EPB41L2: variants seen among roughly 807,000 people sequenced by gnomAD.
The protein encoded by EPB41L2 is band 4.1-like protein 2.
In EPB41L2, 43 loss-of-function variants were observed where a neutral mutation model predicts 113.0. That is an observed-to-expected ratio of 0.38 (90% CI 0.30 to 0.49). The LOEUF is 0.49. Ranked by LOEUF, EPB41L2 falls within the 20% of genes least tolerant of loss-of-function variation. The pLI, the probability that EPB41L2 is intolerant of heterozygous loss-of-function variation, is 0.95. For missense variants in EPB41L2, 1,147 were observed against 1,223.4 expected (o/e 0.94, Z 0.93); for synonymous variants, 442 against 436.7 (o/e 1.01, Z -0.15).
At chr6:130,911,634 T>C (rs1351405693) in intron 4 of EPB41L2, among the ~76,000 whole-genome samples, 1 of 152,050 alleles carries the variant, frequency 6.6e-6, no homozygotes, top group Non-Finnish European at 1.5e-5. Flanking sequence ...TGTTACAGCA[T>C]CTTAAAGCAA....
intron 11 of EPB41L2, among the ~76,000 whole-genome samples, chr6:130,887,237 C>T (rs1791326851): frequency 6.6e-6 from 1 of 152,168 alleles, no homozygotes; most frequent in Non-Finnish European, 1.5e-5. Flanking sequence ...TACATTTATT[C>T]AGGTCTTAAA....
intron 19 of EPB41L2, among the ~76,000 whole-genome samples, chr6:130,852,758 C>T (rs1209657941): frequency 2.0e-5 from 3 of 152,194 alleles, no homozygotes; most frequent in African/African-American, 7.2e-5. Flanking sequence ...TAGAAGACTC[C>T]TTAACATTGG....
intron 14 of EPB41L2, among the ~76,000 whole-genome samples, chr6:130,872,728 C>A (rs146069946): frequency 6.6e-6 from 1 of 152,188 alleles, no homozygotes; most frequent in East Asian, 1.9e-4. Context: ...AGCTTTTCCA[C>A]CCTGCTTGAG....
intron 8 of EPB41L2, 59 bp from the exon 9 acceptor site, chr6:130,895,178 AAGCT>A: frequency 6.6e-7 from 1 of 1,523,210 alleles, no homozygotes; most frequent in Admixed American, 2.1e-5. Flanking sequence ...ACAAATCAAG[AAGCT>A]AATTAGCTCC....
At chr6:131,030,273 G>T (rs1476747636) in intron 1 of EPB41L2, among the ~76,000 whole-genome samples, 1 of 152,178 alleles carries the variant, frequency 6.6e-6, no homozygotes, top group Non-Finnish European at 1.5e-5. Context: ...GCCCTCCTTG[G>T]GGCTGGAACA....
rs755138914 is a variant in EPB41L2 at position 130,867,598 on chromosome 6, A to G, written c.2608-17T>C. The stretch of plus-strand genomic sequence containing the variant: ...CACTGGTGGCTGAGGTGGAAAAGGA[A>G]GGGAAAAATAAATTCTAGAGGTAAT... On this transcript the variant is annotated splice_polypyrimidine_tract_variant and intron_variant, in intron 15 of 19. Transcript: ENST00000337057. 1.2e-6 allele frequency: 2 copies of G among 1,613,520 alleles called. No homozygotes were observed. Among genetic ancestry groups the G allele is most frequent in the South Asian group, 2.2e-5 (2 of 91,056 alleles).
At chr6:130,857,581 G>A (rs1582725147) in intron 19 of EPB41L2, among the ~76,000 whole-genome samples, 1 of 104,154 alleles carries the variant, frequency 9.6e-6, no homozygotes. Context: ...TTTTTGAGAT[G>A]GAGTCTCACT....
Position 130,885,078 on chromosome 6 carries a change from T to C in EPB41L2, c.1833+18A>G. ...TAAGTAAATGTTTAAAACCACATACTGTGCTAATTTACCATACCTTTCCTT... is the reference window on the plus strand; with the variant it reads ...TAAGTAAATGTTTAAAACCACATACCGTGCTAATTTACCATACCTTTCCTT... On this transcript the variant is annotated intron_variant, in intron 12 of 19. Transcript: ENST00000337057. 1 of 1,613,730 alleles carries C rather than the reference T, an allele frequency of 6.2e-7. No individual in the cohort carries two copies.
At chr6:131,055,720 C>G (rs1430660009) in intron 1 of EPB41L2, among the ~76,000 whole-genome samples, 1 of 152,212 alleles carries the variant, frequency 6.6e-6, no homozygotes, top group African/African-American at 2.4e-5. Context: ...GCCTCAGTTT[C>G]TCATCCGTAA....
chr6:130,848,499 A>G (rs1582605638), intron 19 of EPB41L2, among the ~76,000 whole-genome samples: 1 of 152,238 alleles, frequency 6.6e-6, no homozygotes, highest in East Asian at 1.9e-4. Flanking sequence ...GAAATAATTT[A>G]CTTTTTTCTC....
chr6:130,911,466 C>A (rs7747517), intron 4 of EPB41L2, among the ~76,000 whole-genome samples: 42,683 of 151,774 alleles, frequency 0.28, 7,847 homozygotes, highest in African/African-American at 0.51. Context: ...CACGTGTATA[C>A]CTATGTAACA....
At chr6:131,000,309 G>C (rs1784081690) in intron 1 of EPB41L2, among the ~76,000 whole-genome samples, 1 of 152,140 alleles carries the variant, frequency 6.6e-6, no homozygotes, top group Non-Finnish European at 1.5e-5. Context: ...AGCGAAGGGT[G>C]CCTATCCAGG....
chr6:130,952,439 A>G (rs567458984), intron 3 of EPB41L2, among the ~76,000 whole-genome samples: 1 of 152,018 alleles, frequency 6.6e-6, no homozygotes, highest in African/African-American at 2.4e-5. Flanking sequence ...ACTATACAAC[A>G]GTCTAAATGA....
chr6:130,997,383 T>C (rs971158597), intron 1 of EPB41L2, among the ~76,000 whole-genome samples: 1 of 152,194 alleles, frequency 6.6e-6, no homozygotes, highest in African/African-American at 2.4e-5. Context: ...AGAAGTTGTT[T>C]TAACAGTTTC....
chr6:131,060,439 G>A (rs6916024), intron 1 of EPB41L2, among the ~76,000 whole-genome samples: 42,632 of 152,178 alleles, frequency 0.28, 7,063 homozygotes, highest in Non-Finnish European at 0.37. Flanking sequence ...AGTATTTTTA[G>A]TTGAAAGCAA....
chr6:131,043,885 AG>A (rs1440757976), intron 1 of EPB41L2, among the ~76,000 whole-genome samples: 2 of 152,226 alleles, frequency 1.3e-5, no homozygotes, highest in Admixed American at 6.5e-5. Context: ...TAAGAAGTGA[AG>A]TGAATAGAGA....
At chr6:130,903,547 T>C (rs1044306419) in intron 6 of EPB41L2, among the ~76,000 whole-genome samples, 1 of 152,092 alleles carries the variant, frequency 6.6e-6, no homozygotes, top group Non-Finnish European at 1.5e-5. Context: ...GCATCAAAGA[T>C]ACAGGAACTA....
chr6:130,892,986 T>C (rs1793469722), intron 10 of EPB41L2, among the ~76,000 whole-genome samples: 1 of 152,106 alleles, frequency 6.6e-6, no homozygotes, highest in Admixed American at 6.5e-5. Context: ...AGGATCTAGA[T>C]ACACAGCTAG....
chr6:130,850,080 A>G (rs890241644), intron 19 of EPB41L2, among the ~76,000 whole-genome samples: 6 of 152,178 alleles, frequency 3.9e-5, no homozygotes, highest in African/African-American at 1.4e-4. Context: ...TCTACTAAAA[A>G]TACAAAAATT....
Sources: allele counts gnomAD v4.1 joint callset (sites outside exome capture counted in the v4.1 genomes callset), GRCh38; gene constraint gnomAD v4.1.1; transcripts MANE v1.5; gene names NCBI Gene and HGNC (gene_info 2026-07-23, HGNC 2026-07-21).